The following AVL9 variants were observed in gnomAD, a reference collection of about 807,000 sequenced individuals.
AVL9 encodes the protein late secretory pathway protein AVL9 homolog.
Under a neutral mutation model 79.2 loss-of-function variants are expected in AVL9, and 49 were observed. The observed-to-expected ratio is 0.62, with a 90% CI of 0.49 to 0.79. The LOEUF is 0.79. AVL9 is among the 30% of genes least tolerant of loss of function. The pLI, the probability that AVL9 is intolerant of heterozygous loss-of-function variation, is 0.00. For missense variants in AVL9, 682 were observed against 776.8 expected, an observed-to-expected ratio of 0.88 and a Z score of 1.45; for synonymous variants, 299 against 280.6, an observed-to-expected ratio of 1.07 and a Z score of -0.65.
intron 12 of AVL9, 136 bp from the exon 13 acceptor site, chr7:32,575,819 C>T (rs1045066487): frequency 5.6e-5 from 35 of 620,730 alleles, no homozygotes; most frequent in Non-Finnish European, 8.2e-5. Flanking sequence ...AGTTTCCTGA[C>T]ATCTGGTAGG....
chr7:32,526,328 G>A (rs1307723531), intron 1 of AVL9, among the ~76,000 whole-genome samples: 1 of 152,152 alleles, frequency 6.6e-6, no homozygotes, highest in Non-Finnish European at 1.5e-5. Context: ...CAATCTAAGG[G>A]TCCCTAGCAA....
chr7:32,534,463 A>C (rs1788808152), intron 1 of AVL9: 1 of 152,158 alleles, frequency 6.6e-6, no homozygotes, highest in African/African-American at 2.4e-5. Context: ...GAGATAACTC[A>C]GAAATGAGAA....
At chr7:32,552,666 C>T (rs1420063511) in intron 6 of AVL9, among the ~76,000 whole-genome samples, 1 of 152,040 alleles carries the variant, frequency 6.6e-6, no homozygotes, top group African/African-American at 2.4e-5. Flanking sequence ...CCACAGCCTC[C>T]TGAGTAGCTG....
chr7:32,574,314 A>G (rs1240050376), intron 12 of AVL9, among the ~76,000 whole-genome samples: 2 of 151,934 alleles, frequency 1.3e-5, no homozygotes, highest in African/African-American at 2.4e-5. Flanking sequence ...GTTTCGGGAG[A>G]GTTTTTCATT....
rs1037950082 is a variant in AVL9, at chr7:32,568,205, A to T, written c.1216-1815A>T. Among the ~76,000 whole-genome samples, 76 of 143,752 alleles carry T rather than the reference A, an allele frequency of 5.3e-4. 1 individual carries two copies. In the South Asian group the frequency reaches 6.3e-3, roughly 12 times the overall value. The allele number at this position is 143,752 out of a possible 152,430, so 94.3% of individuals were successfully genotyped here. ...TTACATCATATTCTTTTATTTATTT[A>T]TTTTTTTTTTTTTGAGATGGAGTCT... On this transcript the variant is annotated intron_variant, in intron 10 of 15. Transcript: ENST00000318709.
intron 14 of AVL9, 86 bp downstream of exon 14, chr7:32,580,358 C>CT: frequency 9.3e-7 from 1 of 1,074,260 alleles, no homozygotes. Flanking sequence ...TTGTTTTTCT[C>CT]TACTTGATAG....
chr7:32,544,083 C>T lies in AVL9; in HGVS notation c.215-611C>T, dbSNP rs117004992. 2.0e-3 allele frequency among the ~76,000 whole-genome samples: 306 copies of T among 152,130 alleles called. 3 individuals are homozygous for T. The highest frequency in any genetic ancestry group is 4.0e-3 in the Non-Finnish European group (272 of 67,992). ...TCTGCCACCATGCCCAGCAAAAGGA[C>T]TGCTACAAACATGTGAATTAAGATT... On this transcript the variant is annotated intron_variant, in intron 2 of 15. Coordinates refer to ENST00000318709, the MANE Select transcript of AVL9 (RefSeq NM_015060.3).
At chr7:32,506,016 A>G (rs967206633) in intron 1 of AVL9, among the ~76,000 whole-genome samples, 3 of 152,160 alleles carry the variant, frequency 2.0e-5, no homozygotes, top group Non-Finnish European at 4.4e-5. Flanking sequence ...AACTATTTTT[A>G]AAAACTATCC....
intron 1 of AVL9, chr7:32,533,319 AAAT>A (rs1243201813): frequency 2.0e-5 from 3 of 152,174 alleles, no homozygotes; most frequent in African/African-American, 7.2e-5. Flanking sequence ...GAAAAATAAA[AAAT>A]AAAAAATCTT....
intron 10 of AVL9, among the ~76,000 whole-genome samples, chr7:32,569,580 T>C (rs1419283688): frequency 1.3e-5 from 2 of 152,246 alleles, no homozygotes; most frequent in Non-Finnish European, 1.5e-5. Context: ...ATGTAGTACC[T>C]TGCTGTTCTC....
At chr7:32,537,374 TATA>T (rs1234260209) in intron 1 of AVL9, 1 of 151,946 alleles carries the variant, frequency 6.6e-6, no homozygotes, top group Admixed American at 6.6e-5. Context: ...TTTGCAGTAG[TATA>T]ATGTTTTAAA....
chr7:32,530,273 A>C (rs1318411148), intron 1 of AVL9, among the ~76,000 whole-genome samples: 2 of 152,312 alleles, frequency 1.3e-5, no homozygotes, highest in Admixed American at 1.3e-4. Flanking sequence ...ATCCTTCATA[A>C]CTATGTTTTA....
In AVL9 at chr7:32,552,168, T is replaced by C. The variant is rs538575638; in HGVS notation, c.463-61T>C. On this transcript the variant is annotated intron_variant, in intron 5 of 15. Coordinates refer to ENST00000318709, the MANE Select transcript of AVL9 (RefSeq NM_015060.3). Reference sequence around the variant, plus strand: ...GGAATCAGCTTTTTTCTGATCAATATATTTCTAATTCAGATCTAAAATGAT... The same window carrying C: ...GGAATCAGCTTTTTTCTGATCAATACATTTCTAATTCAGATCTAAAATGAT... 4 of 1,056,650 alleles carry C rather than the reference T, an allele frequency of 3.8e-6. No individual in the cohort carries two copies. In the African/African-American group the frequency reaches 6.3e-5, roughly 17 times the overall value. 65.5% of individuals were successfully genotyped at this position (1,056,650 alleles called of 1,614,324 possible).
intron 11 of AVL9, among the ~76,000 whole-genome samples, chr7:32,570,965 C>T (rs1790812808): frequency 6.8e-6 from 1 of 146,590 alleles, no homozygotes; most frequent in Admixed American, 6.8e-5. Flanking sequence ...CGCAGTGGCT[C>T]ACGCCTGTAA....
chr7:32,509,899 G>T (rs1787579943), intron 1 of AVL9, among the ~76,000 whole-genome samples: 2 of 151,972 alleles, frequency 1.3e-5, no homozygotes. Context: ...ATCTGAAGAG[G>T]GTTAACAAAA....
At chr7:32,525,580 C>T (rs1583518201) in intron 1 of AVL9, among the ~76,000 whole-genome samples, 3 of 152,196 alleles carry the variant, frequency 2.0e-5, no homozygotes, top group South Asian at 4.1e-4. Flanking sequence ...TCACCCCTAA[C>T]TTTTGTTTTT....
At chr7:32,574,486 C>CTTAATTAATTTGCTTTTAAGCAAA (rs375015712) in intron 12 of AVL9, among the ~76,000 whole-genome samples, 6 of 152,108 alleles carry the variant, frequency 3.9e-5, no homozygotes, top group African/African-American at 7.2e-5. Flanking sequence ...TGCCATGTAG[C>CTTAATTAATTTGCTTTTAAGCAAA]TTAATTAATT....
intron 15 of AVL9, among the ~76,000 whole-genome samples, chr7:32,583,569 C>T (rs1791616993): frequency 6.6e-6 from 1 of 152,082 alleles, no homozygotes; most frequent in South Asian, 2.1e-4. Context: ...GTCCTAGCTA[C>T]TTGGGAAGCT....
intron 3 of AVL9, 101 bp downstream of exon 3, chr7:32,544,880 T>C: frequency 1.3e-6 from 1 of 778,498 alleles, no homozygotes. Context: ...AATGTTGTTT[T>C]AGATTTTTGT....
Sources: allele counts gnomAD v4.1 joint callset (sites outside exome capture counted in the v4.1 genomes callset), GRCh38; gene constraint gnomAD v4.1.1; transcripts MANE v1.5; gene names NCBI Gene and HGNC (gene_info 2026-07-23, HGNC 2026-07-21).